Variants in PTPRU observed in about 807,000 individuals in gnomAD.
PTPRU encodes the protein protein tyrosine phosphatase receptor type U, also known as receptor-type tyrosine-protein phosphatase U.
A neutral mutation model predicts 166.3 loss-of-function variants in PTPRU; 69 were observed. The observed-to-expected ratio is 0.41, with a 90% CI of 0.34 to 0.51. The LOEUF (loss-of-function observed/expected upper bound fraction) is 0.51, where lower values mean the gene tolerates loss of function less well. Ranked by LOEUF, PTPRU falls within the 20% of genes least tolerant of loss-of-function variation. PTPRU has a pLI of 0.09. For synonymous variants in PTPRU, 793 were observed against 814.0 expected (o/e 0.97, Z 0.44); for missense variants, 1,657 against 2,013.7 (o/e 0.82, Z 3.39).
intron 12 of PTPRU, among the ~76,000 whole-genome samples, 197 bp downstream of exon 12, chr1:29,283,146 T>C (rs1379341386): frequency 3.0e-5 from 3 of 99,276 alleles, no homozygotes. Context: ...CCACCTCCCA[T>C]AGCCCTGGCC....
intron 7 of PTPRU, among the ~76,000 whole-genome samples, chr1:29,265,069 T>C (rs1210547543): frequency 6.6e-6 from 1 of 152,254 alleles, no homozygotes; most frequent in African/African-American, 2.4e-5. Flanking sequence ...TGAGCATTCA[T>C]ACAGAGGTTT....
rs896981734 is a variant in PTPRU at position 29,293,300 on chromosome 1, A to T, written c.2476+1274A>T. On this transcript the variant is annotated intron_variant, in intron 15 of 29. Transcript: ENST00000373779. ...GCCAGTTTTTGTATTTTTAGTAGAG[A>T]CAGGGTTTCACCATGTTAGCCACGC... Among the ~76,000 whole-genome samples the T allele has an allele frequency of 2.5e-4, 38 of 151,420 alleles. 1 individual carries two copies. Among genetic ancestry groups the T allele is most frequent in the Admixed American group, 1.6e-3 (25 of 15,220 alleles).
intron 24 of PTPRU, among the ~76,000 whole-genome samples, chr1:29,316,619 G>A (rs1035740304): frequency 6.6e-6 from 1 of 152,166 alleles, no homozygotes; most frequent in African/African-American, 2.4e-5. Flanking sequence ...ATGCCAACAG[G>A]TGGTTTCTGT....
chr1:29,269,683 G>A (rs1005310229), intron 7 of PTPRU, among the ~76,000 whole-genome samples: 11 of 151,804 alleles, frequency 7.2e-5, no homozygotes, highest in African/African-American at 2.2e-4. Context: ...AACTCCCCTC[G>A]CACTATATTA....
intron 25 of PTPRU, among the ~76,000 whole-genome samples, chr1:29,319,127 G>T (rs1574727772): frequency 6.6e-6 from 1 of 152,232 alleles, no homozygotes; most frequent in Non-Finnish European, 1.5e-5. Context: ...ACTCAGCTTG[G>T]TGGATGGAAT....
In PTPRU at chr1:29,311,372, G is replaced by A; in HGVS notation, c.2858-84G>A. On this transcript the variant is annotated intron_variant, in intron 19 of 29. Coordinates refer to ENST00000373779, the MANE Select transcript of PTPRU (RefSeq NM_133178.4). The surrounding 1 kb of genome is among the most constrained non-coding windows in gnomAD (Gnocchi z 4.1). ...GGCTCAGGAGGCCTCCTGGCCTGGGGTGTGGTGCTGGATGGTGCTGGATGT... is the reference window on the plus strand; with the variant it reads ...GGCTCAGGAGGCCTCCTGGCCTGGGATGTGGTGCTGGATGGTGCTGGATGT... 1.5e-6 allele frequency: 2 copies of A among 1,363,316 alleles called. No individual in the cohort carries two copies. Among genetic ancestry groups the A allele is most frequent in the East Asian group, 2.3e-5 (1 of 42,836 alleles). 84.5% of individuals were successfully genotyped at this position (1,363,316 alleles called of 1,614,324 possible).
intron 18 of PTPRU, among the ~76,000 whole-genome samples, chr1:29,306,229 T>A (rs1687384578): frequency 6.6e-6 from 1 of 151,992 alleles, no homozygotes; most frequent in Admixed American, 6.5e-5. Context: ...TGGGCTTGGG[T>A]GTCAAAGAGA....
At chr1:29,265,375 T>C (rs1012121629) in intron 7 of PTPRU, among the ~76,000 whole-genome samples, 2 of 152,158 alleles carry the variant, frequency 1.3e-5, no homozygotes, top group Non-Finnish European at 2.9e-5. Flanking sequence ...TTCCTCTTTT[T>C]TTTTTGAGAT....
rs1010152252 is a variant in PTPRU, at chr1:29,237,648, C to G, written c.73+931C>G. On this transcript the variant is annotated intron_variant, in intron 1 of 29. Coordinates refer to ENST00000373779, the MANE Select transcript of PTPRU (RefSeq NM_133178.4). This position sits in a 1 kb window ranked among gnomAD's most constrained non-coding sequence, Gnocchi z 6.4. ...TGGGCTGCCCGGGTCGGGCAGGGCCCGAGGCTCAGGGGAGGACCGGGCCCC... is the reference window on the plus strand; with the variant it reads ...TGGGCTGCCCGGGTCGGGCAGGGCCGGAGGCTCAGGGGAGGACCGGGCCCC... Among the ~76,000 whole-genome samples the G allele has an allele frequency of 5.4e-4, 82 of 151,138 alleles. No homozygotes were observed. Among genetic ancestry groups the G allele is most frequent in the Non-Finnish European group, 9.0e-4 (61 of 67,548 alleles).
In PTPRU at chr1:29,304,856, C is replaced by T; in HGVS notation, c.2743+7C>T. On this transcript the variant is annotated splice_region_variant and intron_variant, in intron 17 of 29. Transcript: ENST00000373779. ...CAGGAGCCAATGCCTGCCTGTGAGT[C>T]CTGGGGAAGGGCCTGGGGTCCAGGG... is the stretch of plus-strand genomic sequence containing the variant. 3 of 1,608,020 alleles carry T rather than the reference C, an allele frequency of 1.9e-6. No individual in the cohort carries two copies. Among genetic ancestry groups the T allele is most frequent in the Non-Finnish European group, 2.6e-6 (3 of 1,175,128 alleles).
intron 7 of PTPRU, among the ~76,000 whole-genome samples, chr1:29,263,264 C>T (rs1358979147): frequency 2.0e-5 from 3 of 152,188 alleles, no homozygotes; most frequent in Admixed American, 6.5e-5. Context: ...GGATTACAGG[C>T]GTGAGCCACT....
At position 29,279,261 on chromosome 1, in the gene PTPRU, G is replaced by C; in HGVS notation, c.1563+140G>C. On this transcript the variant is annotated intron_variant, in intron 9 of 29. Coordinates refer to ENST00000373779, the MANE Select transcript of PTPRU (RefSeq NM_133178.4). The surrounding 1 kb of genome is among the most constrained non-coding windows in gnomAD (Gnocchi z 5.2). ...TTTCTTCAACTATGGCCAGGTCTGT[G>C]CCCTGTGTATTCTAGAGGAGGGTCC... The C allele has an allele frequency of 3.0e-6, 3 of 1,005,070 alleles. No homozygotes were observed. In the South Asian group the frequency reaches 4.7e-5, roughly 16 times the overall value. 62.3% of individuals were successfully genotyped at this position (1,005,070 alleles called of 1,614,324 possible). A position where few individuals can be genotyped will look rare whatever the true frequency, so the allele number is the denominator to read the frequency against.
chr1:29,268,398 G>A (rs1313508583), intron 7 of PTPRU, among the ~76,000 whole-genome samples: 2 of 152,186 alleles, frequency 1.3e-5, no homozygotes, highest in Non-Finnish European at 2.9e-5. Flanking sequence ...ACTGGGTGGC[G>A]GCAATGGGGT....
At chr1:29,286,080 TGAGA>T (rs925374875) in intron 14 of PTPRU, among the ~76,000 whole-genome samples, 9 of 151,932 alleles carry the variant, frequency 5.9e-5, no homozygotes, top group Non-Finnish European at 1.5e-5. Flanking sequence ...TCCAGGAAGA[TGAGA>T]GAGAGAGCTG....
chr1:29,254,567 T>C (rs988770472), intron 1 of PTPRU, among the ~76,000 whole-genome samples: 6 of 152,330 alleles, frequency 3.9e-5, no homozygotes, highest in African/African-American at 9.6e-5. Context: ...CTGAATTCCA[T>C]TGACATCTGT....
chr1:29,325,463 C>T, intron 29 of PTPRU, 136 bp from the exon 30 acceptor site: 1 of 1,502,090 alleles, frequency 6.7e-7, no homozygotes, highest in Non-Finnish European at 9.2e-7. Flanking sequence ...AAAACATTAC[C>T]CCCATTTCTC....
intron 14 of PTPRU, among the ~76,000 whole-genome samples, chr1:29,287,184 G>C (rs1006730061): frequency 6.6e-6 from 1 of 152,124 alleles, no homozygotes; most frequent in African/African-American, 2.4e-5. Flanking sequence ...TCTCCATCCT[G>C]CCCTGCCTCT....
intron 14 of PTPRU, among the ~76,000 whole-genome samples, chr1:29,287,473 G>A (rs1433172240): frequency 6.6e-6 from 1 of 152,104 alleles, no homozygotes; most frequent in Non-Finnish European, 1.5e-5. Flanking sequence ...AGGGGAGTCG[G>A]GTCTCCCCAC....
chr1:29,273,115 T>C (rs1211144180), intron 7 of PTPRU, among the ~76,000 whole-genome samples: 1 of 152,128 alleles, frequency 6.6e-6, no homozygotes, highest in Non-Finnish European at 1.5e-5. Flanking sequence ...AAGGATCAGT[T>C]GATGCAGTCT....
Sources: gnomAD v4.1 joint callset for allele counts (sites outside exome capture counted in the v4.1 genomes callset) on GRCh38, gnomAD v4.1.1 for gene constraint, Gnocchi (gnomAD v3.1) non-coding constraint, MANE v1.5 for transcripts, NCBI Gene and HGNC (gene_info 2026-07-23, HGNC 2026-07-21) for gene names.